Variants in CSRNP3 observed in about 807,000 individuals in gnomAD.
CSRNP3 encodes the protein cysteine and serine rich nuclear protein 3.
CSRNP3 carries 12 observed loss-of-function variants against 48.0 expected under a neutral mutation model. The ratio of observed to expected loss-of-function variants is 0.25; its 90% CI spans 0.16 to 0.41. The LOEUF is 0.41. Ranked by LOEUF, CSRNP3 falls within the 10% of genes least tolerant of loss-of-function variation. CSRNP3 has a pLI of 1.00. For synonymous variants in CSRNP3, 263 were observed against 269.7 expected (o/e 0.98, Z 0.24); for missense variants, 580 against 724.4 (o/e 0.80, Z 2.29).
chr2:165,595,738 C>G (rs1317397851), intron 4 of CSRNP3, among the ~76,000 whole-genome samples: 1 of 152,070 alleles, frequency 6.6e-6, no homozygotes, highest in African/African-American at 2.4e-5. Flanking sequence ...CCTCTAGTCT[C>G]TCTTCTCCAG....
At chr2:165,623,476 C>T (rs1372445666) in intron 4 of CSRNP3, among the ~76,000 whole-genome samples, 3 of 152,272 alleles carry the variant, frequency 2.0e-5, no homozygotes, top group Non-Finnish European at 2.9e-5. Context: ...AATTGTCTTG[C>T]ACAAAACCAG....
In CSRNP3 at chr2:165,678,849, T is replaced by G; in HGVS notation, c.854T>G (p.Ile285Ser). The G allele has an allele frequency of 6.2e-7, 1 of 1,613,914 alleles. No homozygotes were observed. ...LELEKNREQQ[I>S]PTLNGCHSEI... The stretch of plus-strand genomic sequence containing the variant: ...CTGGAGAAAAACCGAGAGCAGCAAA[T>G]CCCCACGCTGAATGGCTGCCACAGT... The change falls in exon 7 of 7, where the codon ATC (isoleucine) becomes AGC (serine). Residue 285 changes from isoleucine (I) to serine (S), a missense_variant. Physicochemically the swap from Ile to Ser is moderately radical, Grantham distance 142. Around this residue, in one of 4 missense-constraint regions of CSRNP3, gnomAD observed 369 missense variants for 380.8 expected, o/e 0.97. Transcript: ENST00000651982.
intron 2 of CSRNP3, among the ~76,000 whole-genome samples, chr2:165,513,095 A>T (rs146717592): frequency 7.9e-4 from 120 of 152,086 alleles, no homozygotes; most frequent in African/African-American, 2.4e-3. Flanking sequence ...ACAGAGCAAG[A>T]CTCTGTCTCA....
intron 4 of CSRNP3, among the ~76,000 whole-genome samples, chr2:165,611,821 G>A (rs1461906774): frequency 3.9e-5 from 6 of 152,106 alleles, no homozygotes; most frequent in Non-Finnish European, 8.8e-5. Flanking sequence ...TTAATATAAT[G>A]CCTGTCTGTA....
Position 165,633,394 on chromosome 2 carries a change from T to G in CSRNP3, c.149-24367T>G, listed in dbSNP as rs77342134. Among the ~76,000 whole-genome samples the G allele has an allele frequency of 8.7e-4, 132 of 152,356 alleles. 1 individual carries two copies. The East Asian group carries it at 0.019, about 21-fold the overall frequency. ...TCGAATTCTGGCATCGATAATATTT[T>G]GATTTTGTTATTTTTCTAGGATTTC... is the stretch of plus-strand genomic sequence containing the variant. On this transcript the variant is annotated intron_variant, in intron 4 of 6. Transcript: ENST00000651982.
At chr2:165,621,250 T>C (rs951828283) in intron 4 of CSRNP3, among the ~76,000 whole-genome samples, 2 of 151,358 alleles carry the variant, frequency 1.3e-5, no homozygotes, top group Non-Finnish European at 2.9e-5. Flanking sequence ...GCAGGCGTCC[T>C]ACCAAAATAT....
intron 2 of CSRNP3, among the ~76,000 whole-genome samples, chr2:165,497,382 A>C (rs2105462548): frequency 6.6e-6 from 1 of 152,158 alleles, no homozygotes; most frequent in East Asian, 1.9e-4. Context: ...AACAACTTGT[A>C]ATTGAGTGTG....
intron 2 of CSRNP3, among the ~76,000 whole-genome samples, chr2:165,504,438 C>A (rs1684397613): frequency 6.6e-6 from 1 of 152,022 alleles, no homozygotes; most frequent in Non-Finnish European, 1.5e-5. Flanking sequence ...CTTATAAACG[C>A]TGGCATTAAA....
At chr2:165,580,815 G>A (rs1685532663) in intron 3 of CSRNP3, among the ~76,000 whole-genome samples, 1 of 151,482 alleles carries the variant, frequency 6.6e-6, no homozygotes, top group South Asian at 2.1e-4. Flanking sequence ...CTATCTTCCA[G>A]TGATGCAATA....
At chr2:165,555,567 AC>A (rs1214966912) in intron 3 of CSRNP3, among the ~76,000 whole-genome samples, 1 of 152,170 alleles carries the variant, frequency 6.6e-6, no homozygotes, top group Admixed American at 6.5e-5. Flanking sequence ...TTTGCCAGAT[AC>A]TGGACTAGGA....
chr2:165,645,642 G>T (rs1488474469), intron 4 of CSRNP3, among the ~76,000 whole-genome samples: 1 of 152,102 alleles, frequency 6.6e-6, no homozygotes, highest in Non-Finnish European at 1.5e-5. Flanking sequence ...CTCACTGACA[G>T]CCAGCAAACA....
chr2:165,527,263 G>A (rs1214431898), intron 3 of CSRNP3, among the ~76,000 whole-genome samples: 1 of 137,098 alleles, frequency 7.3e-6, no homozygotes, highest in African/African-American at 2.8e-5. Context: ...CTGGAGTGCA[G>A]TGGAGCTATC....
intron 4 of CSRNP3, among the ~76,000 whole-genome samples, chr2:165,597,001 G>A (rs566320365): frequency 9.2e-5 from 14 of 152,226 alleles, no homozygotes; most frequent in South Asian, 6.2e-4. Flanking sequence ...GAGGCTAAGC[G>A]TCTGGCAAAA....
At chr2:165,640,200 C>T (rs564248459) in intron 4 of CSRNP3, among the ~76,000 whole-genome samples, 59 of 152,232 alleles carry the variant, frequency 3.9e-4, no homozygotes, top group African/African-American at 1.3e-3. Flanking sequence ...GTACTTACTA[C>T]GTGCCAAACT....
At chr2:165,579,612 G>A (rs1037067454) in intron 3 of CSRNP3, among the ~76,000 whole-genome samples, 9 of 152,118 alleles carry the variant, frequency 5.9e-5, no homozygotes, top group Non-Finnish European at 7.4e-5. Context: ...TGTTTGCTGA[G>A]CCAATGTTAC....
At chr2:165,573,989 G>A (rs1166265879) in intron 3 of CSRNP3, 1 of 177,980 alleles carries the variant, frequency 5.6e-6, no homozygotes, top group Non-Finnish European at 1.2e-5. Context: ...GGTGGGGAGG[G>A]AGTAAGCAGT....
chr2:165,543,759 G>T (rs1388621688), intron 3 of CSRNP3, among the ~76,000 whole-genome samples: 1 of 151,906 alleles, frequency 6.6e-6, no homozygotes, highest in Non-Finnish European at 1.5e-5. Flanking sequence ...ATAGCATCAC[G>T]TAAAATGGGG....
chr2:165,667,069 AAG>A (rs1321480824), intron 5 of CSRNP3, among the ~76,000 whole-genome samples: 2 of 103,332 alleles, frequency 1.9e-5, no homozygotes, highest in Non-Finnish European at 4.4e-5. Context: ...GAAGGAAGGA[AAG>A]AGAGAGAGAA....
intron 5 of CSRNP3, among the ~76,000 whole-genome samples, chr2:165,672,467 A>T (rs980079555): frequency 1.3e-5 from 2 of 152,232 alleles, no homozygotes; most frequent in Admixed American, 1.3e-4. Context: ...TTATGAAACC[A>T]TCAGGTCTCA....
Sources: gnomAD v4.1 joint callset for allele counts (sites outside exome capture counted in the v4.1 genomes callset) on GRCh38, gnomAD v4.1.1 for gene constraint, gnomAD v4.1.1 regional missense constraint, MANE v1.5 for transcripts, NCBI Gene and HGNC (gene_info 2026-07-23, HGNC 2026-07-21) for gene names.